SLC25A26: variants seen among roughly 807,000 people sequenced by gnomAD.
SLC25A26 encodes mitochondrial S-adenosylmethionine carrier protein.
SLC25A26 carries 36 observed loss-of-function variants against 37.8 expected under a neutral mutation model. The observed-to-expected ratio is 0.95, with a 90% CI of 0.73 to 1.26. The LOEUF is 1.26. Ranked by LOEUF, SLC25A26 falls within the 50% of genes most tolerant of loss-of-function variation. The pLI, the probability that SLC25A26 is intolerant of heterozygous loss-of-function variation, is 0.00. For missense variants in SLC25A26, 390 were observed against 331.1 expected (o/e 1.18, Z -1.38); for synonymous variants, 129 against 122.5 (o/e 1.05, Z -0.35).
At chr3:66,254,163 A>G (rs1047662190) in intron 3 of SLC25A26, among the ~76,000 whole-genome samples, 1 of 152,200 alleles carries the variant, frequency 6.6e-6, no homozygotes, top group Non-Finnish European at 1.5e-5. Flanking sequence ...TAAGGAGTGT[A>G]AGTTAGGATT....
intron 1 of SLC25A26, among the ~76,000 whole-genome samples, chr3:66,200,961 A>G (rs968628695): frequency 1.6e-3 from 249 of 152,320 alleles, no homozygotes; most frequent in Non-Finnish European, 3.1e-3. Context: ...GTGCTGTGGC[A>G]CAAAGGAGTT....
chr3:66,320,609 G>T (rs1343239380), intron 5 of SLC25A26, among the ~76,000 whole-genome samples: 1 of 152,154 alleles, frequency 6.6e-6, no homozygotes, highest in African/African-American at 2.4e-5. Context: ...CCTATAAGTG[G>T]AGTTGCTCAG....
intron 1 of SLC25A26, among the ~76,000 whole-genome samples, chr3:66,163,417 C>T (rs2070386206): frequency 6.6e-6 from 1 of 152,112 alleles, no homozygotes; most frequent in African/African-American, 2.4e-5. Flanking sequence ...ATCTTTTTTC[C>T]CCGGTCCTTT....
At chr3:66,199,460 T>C (rs1288909712) in intron 1 of SLC25A26, among the ~76,000 whole-genome samples, 5 of 152,024 alleles carry the variant, frequency 3.3e-5, no homozygotes, top group African/African-American at 1.2e-4. Context: ...CAGCCTCCTT[T>C]GAACGTTGAC....
intron 5 of SLC25A26, among the ~76,000 whole-genome samples, chr3:66,273,763 T>C (rs1412687566): frequency 6.6e-6 from 1 of 152,174 alleles, no homozygotes; most frequent in African/African-American, 2.4e-5. Context: ...TACAAACGAA[T>C]GGAAGAACAT....
intron 5 of SLC25A26, among the ~76,000 whole-genome samples, chr3:66,295,390 A>AT (rs1401394233): frequency 7.1e-6 from 1 of 141,530 alleles, no homozygotes; most frequent in Non-Finnish European, 1.5e-5. Flanking sequence ...TACCTGTCTA[A>AT]TTTTTTGTAT....
intron 1 of SLC25A26, among the ~76,000 whole-genome samples, chr3:66,159,211 C>A (rs754666939): frequency 9.2e-5 from 14 of 152,206 alleles, no homozygotes; most frequent in Admixed American, 2.0e-4. Context: ...GGACAGTGTA[C>A]ATAAGCCTTA....
intron 5 of SLC25A26, among the ~76,000 whole-genome samples, chr3:66,295,746 C>T (rs2074880976): frequency 6.6e-6 from 1 of 151,762 alleles, no homozygotes; most frequent in Non-Finnish European, 1.5e-5. Context: ...GATCCGCCTG[C>T]CTTGGCCTCC....
At chr3:66,277,971 A>G (rs2074213605) in intron 5 of SLC25A26, among the ~76,000 whole-genome samples, 1 of 152,126 alleles carries the variant, frequency 6.6e-6, no homozygotes, top group South Asian at 2.1e-4. Context: ...ATAAGAGAAG[A>G]CTAAGGAGAC....
chr3:66,276,957 G>GGAA (rs397875991), intron 5 of SLC25A26, among the ~76,000 whole-genome samples: 29 of 124,598 alleles, frequency 2.3e-4, no homozygotes, highest in African/African-American at 4.3e-4. Context: ...GGCACTGTTT[G>GGAA]AAAAAAAAAA....
At chr3:66,246,013 C>G (rs1276533564) in intron 3 of SLC25A26, among the ~76,000 whole-genome samples, 2 of 152,198 alleles carry the variant, frequency 1.3e-5, no homozygotes, top group Non-Finnish European at 2.9e-5. Context: ...GGTCTACTTT[C>G]TATCTCTATG....
intron 5 of SLC25A26, among the ~76,000 whole-genome samples, chr3:66,337,586 C>T (rs1249852106): frequency 6.6e-6 from 1 of 151,698 alleles, no homozygotes; most frequent in Non-Finnish European, 1.5e-5. Context: ...AAAACAAACC[C>T]CCAGAAATTA....
intron 1 of SLC25A26, among the ~76,000 whole-genome samples, chr3:66,228,258 A>G (rs1440605364): frequency 1.3e-5 from 2 of 152,226 alleles, no homozygotes; most frequent in East Asian, 1.9e-4. Flanking sequence ...GTGCATCTCT[A>G]CTACCCACAG....
intron 1 of SLC25A26, among the ~76,000 whole-genome samples, chr3:66,134,728 G>A (rs2069921014): frequency 6.6e-6 from 1 of 152,096 alleles, no homozygotes; most frequent in Non-Finnish European, 1.5e-5. Flanking sequence ...GAAATGTTTT[G>A]CCATCAATTT....
Position 66,377,713 on chromosome 3 carries a change from G to T in SLC25A26, c.731G>T (p.Arg244Leu), listed in dbSNP as rs1363262953. 6 of 1,613,600 alleles carry T rather than the reference G, an allele frequency of 3.7e-6. No homozygotes were observed. Among genetic ancestry groups the T allele is most frequent in the Admixed American group, 1.7e-5 (1 of 59,978 alleles). The change falls in exon 10 of 10, where the codon CGA becomes CTA. Residue 244 changes from arginine to leucine, a missense_variant. Coordinates refer to ENST00000354883, the MANE Select transcript of SLC25A26 (RefSeq NM_001379210.1). ...LAGLFAGVFPRMAAISLGGFI... is the reference protein window; with the variant it reads ...LAGLFAGVFPLMAAISLGGFI... ...AGATTATTTGCAGGTGTCTTCCCTC[G>T]AATGGCAGCCATCAGTCTGGGAGGT...
intron 1 of SLC25A26, among the ~76,000 whole-genome samples, chr3:66,191,156 T>C (rs912997042): frequency 0.38 from 57,792 of 151,970 alleles, 11,264 homozygotes; most frequent in South Asian, 0.5. Flanking sequence ...TAAGGGACAA[T>C]AATAAGGACG....
chr3:66,212,045 A>G (rs1267617285), intron 1 of SLC25A26, among the ~76,000 whole-genome samples: 1 of 152,230 alleles, frequency 6.6e-6, no homozygotes, highest in Non-Finnish European at 1.5e-5. Context: ...GGGTATTTTT[A>G]GAGAGTGAGT....
intron 4 of SLC25A26, 22 bp downstream of exon 4, chr3:66,262,177 C>A: frequency 1.6e-6 from 2 of 1,246,678 alleles, no homozygotes; most frequent in Non-Finnish European, 2.2e-6. Context: ...TTTTTAAGCT[C>A]TTCTTTTCTT....
At chr3:66,332,450 C>G (rs1023898803) in intron 5 of SLC25A26, among the ~76,000 whole-genome samples, 4 of 152,156 alleles carry the variant, frequency 2.6e-5, no homozygotes, top group African/African-American at 4.8e-5. Flanking sequence ...TTGTATATAA[C>G]TACCATATTT....
Sources: gnomAD v4.1 joint callset for allele counts (sites outside exome capture counted in the v4.1 genomes callset) on GRCh38, gnomAD v4.1.1 for gene constraint, MANE v1.5 for transcripts, NCBI Gene and HGNC (gene_info 2026-07-23, HGNC 2026-07-21) for gene names.